The following FYN variants were observed in gnomAD, a reference collection of about 807,000 sequenced individuals.
FYN encodes tyrosine-protein kinase Fyn.
A neutral mutation model predicts 70.2 loss-of-function variants in FYN; 10 were observed. The ratio of observed to expected loss-of-function variants is 0.14; its 90% confidence interval spans 0.09 to 0.24. The LOEUF is 0.24. Among genes scored for constraint, FYN ranks in the 10% least tolerant of loss-of-function variants. The probability of loss-of-function intolerance (pLI) is 1.00; values close to 1 mark genes in which losing one functional copy is unlikely to be tolerated. For synonymous variants in FYN, 236 were observed against 248.6 expected, an observed-to-expected ratio of 0.95 and a Z score of 0.48; for missense variants, 319 against 673.1, an observed-to-expected ratio of 0.47 and a Z score of 5.82.
intron 3 of FYN, among the ~76,000 whole-genome samples, chr6:111,736,531 G>A (rs1801718860): frequency 6.6e-6 from 1 of 152,130 alleles, no homozygotes. Flanking sequence ...AGGTAATGAT[G>A]GCCCAAGGGT....
At chr6:111,764,226 A>AAAAAAG (rs1231958432) in intron 3 of FYN, among the ~76,000 whole-genome samples, 1 of 147,882 alleles carries the variant, frequency 6.8e-6, no homozygotes, top group East Asian at 1.9e-4. Context: ...CAAAAAAAAA[A>AAAAAAG]AAAAAAGAAA....
At chr6:111,730,163 T>C (rs1205473944) in intron 3 of FYN, among the ~76,000 whole-genome samples, 1 of 152,142 alleles carries the variant, frequency 6.6e-6, no homozygotes, top group Non-Finnish European at 1.5e-5. Flanking sequence ...TAATCTGTGC[T>C]GGAAAGTAAG....
chr6:111,786,647 T>C (rs1771399903), intron 2 of FYN, among the ~76,000 whole-genome samples: 1 of 152,238 alleles, frequency 6.6e-6, no homozygotes, highest in Admixed American at 6.5e-5. Context: ...CACACTGTCT[T>C]TCACAATGGT....
At chr6:111,765,873 C>T (rs752697457) in intron 3 of FYN, among the ~76,000 whole-genome samples, 3 of 152,010 alleles carry the variant, frequency 2.0e-5, no homozygotes, top group Non-Finnish European at 4.4e-5. Context: ...GTTCAAAGCC[C>T]TCCAAGGGCA....
intron 3 of FYN, among the ~76,000 whole-genome samples, chr6:111,775,545 A>G (rs1452886643): frequency 1.3e-5 from 2 of 152,208 alleles, no homozygotes; most frequent in Non-Finnish European, 2.9e-5. Context: ...TGTTCTTTAA[A>G]TATGTAAGTG....
At chr6:111,804,093 T>C (rs1311579154) in intron 2 of FYN, among the ~76,000 whole-genome samples, 1 of 152,206 alleles carries the variant, frequency 6.6e-6, no homozygotes, top group Non-Finnish European at 1.5e-5. Flanking sequence ...ACCCACAGTT[T>C]ACATCAAAAG....
chr6:111,808,432 C>T (rs973017899), intron 2 of FYN, among the ~76,000 whole-genome samples: 4 of 152,262 alleles, frequency 2.6e-5, no homozygotes, highest in Middle Eastern at 3.4e-3. Context: ...GAAACGCTCA[C>T]GGAAGGGCTG....
chr6:111,855,137 A>G (rs1399283387), intron 1 of FYN, among the ~76,000 whole-genome samples: 1 of 152,224 alleles, frequency 6.6e-6, no homozygotes, highest in Non-Finnish European at 1.5e-5. Context: ...AAATTATTCC[A>G]GTTTTATGTT....
intron 2 of FYN, among the ~76,000 whole-genome samples, chr6:111,782,832 C>A (rs149171798): frequency 7.9e-5 from 12 of 152,314 alleles, no homozygotes; most frequent in African/African-American, 2.9e-4. Context: ...CTACAAGAGA[C>A]CACACCAAGC....
intron 4 of FYN, among the ~76,000 whole-genome samples, chr6:111,719,310 CAA>C (rs770724122): frequency 1.7e-4 from 10 of 60,168 alleles, no homozygotes; most frequent in African/African-American, 3.9e-4. Flanking sequence ...AGGAAACTTC[CAA>C]AAAAAAAAAA....
At chr6:111,708,103 C>T in intron 5 of FYN, 83 bp from the exon 6 acceptor site, 3 of 997,784 alleles carry the variant, frequency 3.0e-6, no homozygotes, top group Non-Finnish European at 3.2e-6. Context: ...AAGTGTATAA[C>T]TGTCACCTAA....
chr6:111,766,668 G>A (rs562304373), intron 3 of FYN, among the ~76,000 whole-genome samples: 7 of 152,232 alleles, frequency 4.6e-5, no homozygotes, highest in South Asian at 2.1e-4. Context: ...CCTTCCTCAC[G>A]TGATGGCAGG....
chr6:111,745,439 G>C (rs547184368), intron 3 of FYN, among the ~76,000 whole-genome samples: 1 of 152,164 alleles, frequency 6.6e-6, no homozygotes, highest in African/African-American at 2.4e-5. Flanking sequence ...GGTGAAAAAG[G>C]GGGTGCGCAA....
intron 2 of FYN, among the ~76,000 whole-genome samples, chr6:111,815,670 G>A (rs1379308967): frequency 6.6e-6 from 1 of 151,568 alleles, no homozygotes; most frequent in African/African-American, 2.4e-5. Flanking sequence ...TTTGAGTAGC[G>A]GAACTTCAGT....
At chr6:111,839,978 T>C (rs1196270217) in intron 2 of FYN, among the ~76,000 whole-genome samples, 4 of 152,172 alleles carry the variant, frequency 2.6e-5, no homozygotes, top group Admixed American at 1.3e-4. Context: ...GAGCCCATAA[T>C]TCCTCTTCTT....
At chr6:111,674,269 G>C (rs1459357778) in intron 13 of FYN, among the ~76,000 whole-genome samples, 1 of 152,208 alleles carries the variant, frequency 6.6e-6, no homozygotes, top group Non-Finnish European at 1.5e-5. Flanking sequence ...ATTTAGACCA[G>C]CTGCTACTTA....
chr6:111,855,104 A>C lies in FYN; in HGVS notation c.-122-8475T>G, dbSNP rs550976036. On this transcript the variant is annotated intron_variant, in intron 1 of 13. Transcript: ENST00000354650. ...TTAATGTATTAGCTTCATTAGCAGA[A>C]GAAAAAAACTTCACCAAGAGTTAAA... is the stretch of plus-strand genomic sequence containing the variant. Among the ~76,000 whole-genome samples, 17 of 152,340 alleles carry C rather than the reference A, an allele frequency of 1.1e-4. No homozygotes were observed. The East Asian group carries it at 3.3e-3, about 29-fold the overall frequency.
chr6:111,778,276 A>G (rs1324249389), intron 3 of FYN, among the ~76,000 whole-genome samples: 1 of 152,200 alleles, frequency 6.6e-6, no homozygotes, highest in Non-Finnish European at 1.5e-5. Flanking sequence ...GAGGAAGGAC[A>G]GTGTCTTCAA....
intron 3 of FYN, among the ~76,000 whole-genome samples, chr6:111,753,999 G>A (rs999895784): frequency 6.6e-6 from 1 of 152,250 alleles, no homozygotes; most frequent in Admixed American, 6.5e-5. Context: ...AAGAAACAGT[G>A]AAGGACTCAC....
Sources: gnomAD v4.1 joint callset for allele counts (sites outside exome capture counted in the v4.1 genomes callset) on GRCh38, gnomAD v4.1.1 for gene constraint, MANE v1.5 for transcripts, NCBI Gene and HGNC (gene_info 2026-07-23, HGNC 2026-07-21) for gene names.